CPHXL: variants seen among roughly 807,000 people sequenced by gnomAD.
The protein encoded by CPHXL is cytoplasmic polyadenylated homeobox like, also known as cytoplasmic polyadenylated homeobox-like protein.
rs1959456178 is a variant in CPHXL at position 75,720,257 on chromosome 16, G to T, written c.26-1799C>A. 2.0e-5 allele frequency among the ~76,000 whole-genome samples: 3 copies of T among 152,330 alleles called. No individual in the cohort carries two copies. In the South Asian group the frequency reaches 6.2e-4, roughly 32 times the overall value. ...AATTGAACAAAGCTGGATGGAGAAT[G>T]ACTTTGACGAGTTGAGAGAAGAAGG... On this transcript the variant is annotated intron_variant, in intron 1 of 2. Coordinates refer to ENST00000640559, the MANE Select transcript of CPHXL (RefSeq NM_001355613.1).
At chr16:75,721,303 C>A (rs1357470371) in intron 1 of CPHXL, among the ~76,000 whole-genome samples, 1 of 152,160 alleles carries the variant, frequency 6.6e-6, no homozygotes, top group Admixed American at 6.5e-5. Context: ...AAGACACACA[C>A]TGGCAAATTG....
chr16:75,717,544 C>T (rs1959410057), intron 2 of CPHXL, among the ~76,000 whole-genome samples: 1 of 152,176 alleles, frequency 6.6e-6, no homozygotes, highest in African/African-American at 2.4e-5. Context: ...ACAAATGCTA[C>T]ATAAATATTT....
rs1275339919 is a variant in CPHXL, at chr16:75,714,867, T to C, written c.575A>G (p.Tyr192Cys). The part of the protein sequence containing the change: ...PSQQVGSQCS[Y>C]LEKLGIPSQQ... ...ACTGGGAATCCCTAGTTTCTCCAGA[T>C]AGGAGCACTGGGAACCCACCTGTTG... The change falls in exon 3 of 3, where the codon TAT becomes TGT. Residue 192 changes from tyrosine to cysteine, a missense_variant. Transcript: ENST00000640559. The C allele has an allele frequency of 1.8e-5, 7 of 398,478 alleles. No homozygotes were observed. Among genetic ancestry groups the C allele is most frequent in the East Asian group, 1.4e-4 (4 of 28,090 alleles). The allele number at this position is 398,478 out of a possible 1,614,324, so 24.7% of individuals were successfully genotyped here.
intron 1 of CPHXL, among the ~76,000 whole-genome samples, chr16:75,724,543 A>G (rs1249185539): frequency 6.6e-6 from 1 of 152,278 alleles, no homozygotes; most frequent in African/African-American, 2.4e-5. Flanking sequence ...ATCACTGGCC[A>G]TCAGAGAAAT....
chr16:75,718,993 C>T (rs751257988), intron 1 of CPHXL, among the ~76,000 whole-genome samples: 5 of 152,146 alleles, frequency 3.3e-5, no homozygotes, highest in Non-Finnish European at 7.3e-5. Flanking sequence ...CCTCTGGGTG[C>T]CACTAAGTTT....
Position 75,714,833 on chromosome 16 carries a change from CACCTGTTG to C in CPHXL, c.601_608del (p.Gln201GlyfsTer12). On this transcript the variant is annotated frameshift_variant, in exon 3 of 3. Transcript: ENST00000640559. LOFTEE classifies it low-confidence loss of function (END_TRUNC). ...TGACCAGATAGGAACTCTGGGAGGC[CACCTGTTG>C]ACTGGGAATCCCTAGTTTCTCCAGA... The C allele has an allele frequency of 5.0e-6, 2 of 398,648 alleles. No homozygotes were observed. Among genetic ancestry groups the C allele is most frequent in the Non-Finnish European group, 8.8e-6 (2 of 226,110 alleles). 24.7% of individuals were successfully genotyped at this position (398,648 alleles called of 1,614,324 possible).
intron 1 of CPHXL, among the ~76,000 whole-genome samples, chr16:75,725,319 C>G (rs915414393): frequency 2.6e-5 from 4 of 152,064 alleles, no homozygotes; most frequent in Non-Finnish European, 2.9e-5. Context: ...GAGACAGTCT[C>G]CCTCTGTCGC....
intron 1 of CPHXL, among the ~76,000 whole-genome samples, chr16:75,720,190 G>C (rs370862744): frequency 2.6e-5 from 4 of 152,182 alleles, no homozygotes; most frequent in African/African-American, 9.7e-5. Context: ...CTAAAAATCA[G>C]AGTGCCTCTC....
At chr16:75,724,505 C>T (rs1959525791) in intron 1 of CPHXL, among the ~76,000 whole-genome samples, 2 of 152,174 alleles carry the variant, frequency 1.3e-5, no homozygotes, top group Admixed American at 6.5e-5. Context: ...ATTTATGCAG[C>T]CAAAAGACAA....
chr16:75,721,111 A>G (rs1192007109), intron 1 of CPHXL, among the ~76,000 whole-genome samples: 8 of 152,192 alleles, frequency 5.3e-5, no homozygotes, highest in African/African-American at 1.9e-4. Context: ...AGCACTTAAC[A>G]TGGAAAGGAA....
At chr16:75,724,889 T>C (rs919194294) in intron 1 of CPHXL, among the ~76,000 whole-genome samples, 2 of 152,280 alleles carry the variant, frequency 1.3e-5, no homozygotes, top group Non-Finnish European at 2.9e-5. Context: ...TGTCCAACAA[T>C]GATAGACTGG....
intron 1 of CPHXL, among the ~76,000 whole-genome samples, chr16:75,722,972 G>T (rs1050227390): frequency 1.3e-5 from 2 of 152,216 alleles, no homozygotes; most frequent in Non-Finnish European, 1.5e-5. Flanking sequence ...ACGTAATCCA[G>T]CATATAAACA....
In CPHXL at chr16:75,714,488, G is replaced by A; in HGVS notation, c.954C>T (p.His318=). The change falls in exon 3 of 3, where the codon CAC becomes CAT. Residue 318 remains histidine (H), a synonymous_variant. Coordinates refer to ENST00000640559, the MANE Select transcript of CPHXL (RefSeq NM_001355613.1). ...CCTCTAAGTAATTCTGAGGCTGTTG[G>A]TGCTGCTGCAGGTGATACTGCCAAT... is the stretch of plus-strand genomic sequence containing the variant. ...QNDWQYHLQQ[H]QQPQNYLEGM... 1 of 398,628 alleles carries A rather than the reference G, an allele frequency of 2.5e-6. No homozygotes were observed. Among genetic ancestry groups the A allele is most frequent in the Non-Finnish European group, 4.4e-6 (1 of 226,080 alleles). The allele number at this position is 398,628 out of a possible 1,614,324, so 24.7% of individuals were successfully genotyped here.
At chr16:75,719,160 A>G (rs953311835) in intron 1 of CPHXL, among the ~76,000 whole-genome samples, 3 of 151,996 alleles carry the variant, frequency 2.0e-5, no homozygotes, top group East Asian at 1.9e-4. Context: ...GCTACAGTCT[A>G]CAGCTCCCAG....
At chr16:75,719,497 C>T (rs960358845) in intron 1 of CPHXL, among the ~76,000 whole-genome samples, 4 of 152,124 alleles carry the variant, frequency 2.6e-5, no homozygotes, top group South Asian at 4.1e-4. Context: ...CATGGAGCCT[C>T]GCTCACTGCT....
chr16:75,724,170 C>G (rs1449859970), intron 1 of CPHXL, among the ~76,000 whole-genome samples: 1 of 152,074 alleles, frequency 6.6e-6, no homozygotes, highest in Non-Finnish European at 1.5e-5. Context: ...CCATAAAAAC[C>G]CTAGAAGAAA....
intron 1 of CPHXL, among the ~76,000 whole-genome samples, chr16:75,726,072 T>C (rs920949625): frequency 2.1e-5 from 3 of 141,524 alleles, no homozygotes; most frequent in African/African-American, 7.8e-5. Flanking sequence ...TGTGGAACAA[T>C]TGAGGTTAAG....
chr16:75,718,080 G>C (rs1436661488), intron 2 of CPHXL, among the ~76,000 whole-genome samples, 185 bp downstream of exon 2: 1 of 151,992 alleles, frequency 6.6e-6, no homozygotes, highest in Non-Finnish European at 1.5e-5. Flanking sequence ...AAGCCTGGCG[G>C]GGTGGTGTGT....
intron 1 of CPHXL, among the ~76,000 whole-genome samples, chr16:75,719,007 T>C (rs911244823): frequency 1.3e-5 from 2 of 152,206 alleles, no homozygotes; most frequent in Non-Finnish European, 2.9e-5. Flanking sequence ...TAAGTTTTCT[T>C]TATCTGAGTG....
Sources: gnomAD v4.1 joint callset for allele counts (sites outside exome capture counted in the v4.1 genomes callset) on GRCh38, gnomAD v4.1.1 for gene constraint, MANE v1.5 for transcripts, NCBI Gene and HGNC (gene_info 2026-07-23, HGNC 2026-07-21) for gene names.